TMEM87B: variants seen among roughly 807,000 people sequenced by gnomAD.
TMEM87B encodes the protein transmembrane protein 87B.
In TMEM87B, 83 loss-of-function variants were observed where a neutral mutation model predicts 80.3. That is an observed-to-expected ratio of 1.03 (90% CI 0.87 to 1.24). TMEM87B has a LOEUF of 1.24. TMEM87B is among the 50% of genes most tolerant of loss of function. The probability of loss-of-function intolerance (pLI) is 0.00; values close to 1 mark genes in which losing one functional copy is unlikely to be tolerated. For missense variants in TMEM87B, 625 were observed against 674.4 expected (o/e 0.93, Z 0.81); for synonymous variants, 219 against 230.5 (o/e 0.95, Z 0.45).
chr2:112,097,712 C>CAAA (rs68175814), intron 13 of TMEM87B, among the ~76,000 whole-genome samples: 24 of 57,230 alleles, frequency 4.2e-4, no homozygotes, highest in South Asian at 8.7e-4. Context: ...GACTCCATCT[C>CAAA]AAAAAAAAAA....
chr2:112,072,099 T>A (rs1463484676), intron 4 of TMEM87B, among the ~76,000 whole-genome samples: 1 of 152,250 alleles, frequency 6.6e-6, no homozygotes, highest in Non-Finnish European at 1.5e-5. Flanking sequence ...GATTTGCATG[T>A]GTTGAGCCTA....
chr2:112,055,335 T>G lies in TMEM87B; in HGVS notation c.-257T>G. ...CTCGCCGCCAACTCCACATCCTGGC[T>G]CCTATCTCTGCCTTCCAGGCATCTC... On this transcript the variant is annotated 5_prime_UTR_variant, in exon 1 of 19. Coordinates refer to ENST00000283206, the MANE Select transcript of TMEM87B (RefSeq NM_032824.3). 1 of 498,318 alleles carries G rather than the reference T, an allele frequency of 2.0e-6. No homozygotes were observed. The highest frequency in any genetic ancestry group is 3.5e-6 in the Non-Finnish European group (1 of 285,444). 30.9% of individuals were successfully genotyped at this position (498,318 alleles called of 1,614,324 possible). A position where few individuals can be genotyped will look rare whatever the true frequency, so the allele number is the denominator to read the frequency against.
chr2:112,073,977 C>T (rs999563288), intron 4 of TMEM87B, among the ~76,000 whole-genome samples: 3 of 152,058 alleles, frequency 2.0e-5, no homozygotes, highest in Non-Finnish European at 4.4e-5. Flanking sequence ...TATTTTGAGC[C>T]TGTGGGTGTC....
chr2:112,069,000 G>A (rs891343363), intron 4 of TMEM87B, among the ~76,000 whole-genome samples: 27 of 151,370 alleles, frequency 1.8e-4, no homozygotes, highest in Admixed American at 3.9e-4. Flanking sequence ...AGACCATCCT[G>A]GCTAACAAGG....
chr2:112,116,441 C>T lies in TMEM87B; in HGVS notation c.*298C>T, dbSNP rs775268775. ...GGCAGGCCTGTGGGTTTGGGTTCTC[C>T]CTCTTTTCTCTGGAACATATGACAA... On this transcript the variant is annotated 3_prime_UTR_variant, in exon 19 of 19. Coordinates refer to ENST00000283206, the MANE Select transcript of TMEM87B (RefSeq NM_032824.3). The T allele has an allele frequency of 4.1e-6, 1 of 244,754 alleles. No individual in the cohort carries two copies. The highest frequency in any genetic ancestry group is 7.7e-6 in the Non-Finnish European group (1 of 129,284). 15.2% of individuals were successfully genotyped at this position (244,754 alleles called of 1,614,324 possible).
chr2:112,110,358 T>C (rs544485173), intron 17 of TMEM87B, among the ~76,000 whole-genome samples: 6 of 152,346 alleles, frequency 3.9e-5, no homozygotes, highest in Admixed American at 2.0e-4. Flanking sequence ...TTTGAATTTC[T>C]TCATGCTTTG....
rs116724101 is a variant in TMEM87B, at chr2:112,065,715, C to T, written c.319-1221C>T. On this transcript the variant is annotated intron_variant, in intron 3 of 18. Transcript: ENST00000283206. ...CTTTTAGAGCAGGCGCCCCCGCTCC[C>T]CCTGCACACACACTCCACACCCCAT... 1.8e-3 allele frequency among the ~76,000 whole-genome samples: 272 copies of T among 151,926 alleles called. 1 individual carries two copies. Among genetic ancestry groups the T allele is most frequent in the African/African-American group, 5.9e-3 (246 of 41,462 alleles).
chr2:112,107,596 TC>T (rs1679806630), intron 16 of TMEM87B, among the ~76,000 whole-genome samples, 191 bp from the exon 17 acceptor site: 1 of 152,176 alleles, frequency 6.6e-6, no homozygotes, highest in Admixed American at 6.5e-5. Flanking sequence ...AAATCTGAAA[TC>T]TAATTTTTGC....
At chr2:112,080,250 TA>T (rs1678951663) in intron 6 of TMEM87B, among the ~76,000 whole-genome samples, 1 of 148,552 alleles carries the variant, frequency 6.7e-6, no homozygotes, top group Non-Finnish European at 1.5e-5. Flanking sequence ...CTTTTTTTTT[TA>T]ATTTTTTTTA....
At chr2:112,111,962 A>G (rs1218245638) in intron 17 of TMEM87B, among the ~76,000 whole-genome samples, 3 of 152,226 alleles carry the variant, frequency 2.0e-5, no homozygotes, top group Non-Finnish European at 2.9e-5. Context: ...CCAAGCGTGT[A>G]GCAGACTGCC....
chr2:112,097,173 T>TA (rs2104494267), intron 12 of TMEM87B, 21 bp downstream of exon 12: 1 of 1,593,400 alleles, frequency 6.3e-7, no homozygotes, highest in Non-Finnish European at 8.5e-7. Context: ...TAATTTTTCT[T>TA]ACAGTAAATT....
intron 4 of TMEM87B, among the ~76,000 whole-genome samples, chr2:112,069,783 C>T (rs1458130547): frequency 1.3e-5 from 2 of 152,178 alleles, no homozygotes; most frequent in African/African-American, 4.8e-5. Context: ...ATTTGTACTC[C>T]CACCAGCAGT....
intron 1 of TMEM87B, among the ~76,000 whole-genome samples, chr2:112,056,670 T>G (rs1678077787): frequency 6.6e-6 from 1 of 152,164 alleles, no homozygotes; most frequent in South Asian, 2.1e-4. Context: ...TATTTTGATT[T>G]CCTTAACCAG....
intron 5 of TMEM87B, among the ~76,000 whole-genome samples, chr2:112,076,696 G>A (rs1424116142): frequency 2.0e-5 from 3 of 152,046 alleles, no homozygotes. Flanking sequence ...TAATATTAGA[G>A]GGAACCTGTA....
At chr2:112,098,488 T>A in intron 13 of TMEM87B, 107 bp from the exon 14 acceptor site, 8 of 960,904 alleles carry the variant, frequency 8.3e-6, no homozygotes, top group Non-Finnish European at 1.3e-5. Context: ...GAAGACTTAC[T>A]GGTTGGAAAG....
At chr2:112,059,856 T>C in intron 1 of TMEM87B, 121 bp from the exon 2 acceptor site, 1 of 1,290,848 alleles carries the variant, frequency 7.7e-7, no homozygotes, top group Admixed American at 3.0e-5. Context: ...CAGATTTACG[T>C]TAAAAAAATA....
At chr2:112,115,648 C>G (rs1680002002) in intron 18 of TMEM87B, among the ~76,000 whole-genome samples, 1 of 152,126 alleles carries the variant, frequency 6.6e-6, no homozygotes, top group Non-Finnish European at 1.5e-5. Context: ...TGAGCTAGGC[C>G]TAAGAAATCC....
chr2:112,100,994 T>C (rs1679615149), intron 15 of TMEM87B, among the ~76,000 whole-genome samples: 1 of 152,192 alleles, frequency 6.6e-6, no homozygotes, highest in South Asian at 2.1e-4. Context: ...TTCATCTTGA[T>C]GATTGCTAAG....
intron 18 of TMEM87B, among the ~76,000 whole-genome samples, chr2:112,115,795 T>G (rs1433909885): frequency 6.6e-6 from 1 of 152,126 alleles, no homozygotes; most frequent in Non-Finnish European, 1.5e-5. Flanking sequence ...TATATGGTTA[T>G]TTTTTAATTT....
Sources: gnomAD v4.1 joint callset for allele counts (sites outside exome capture counted in the v4.1 genomes callset) on GRCh38, gnomAD v4.1.1 for gene constraint, MANE v1.5 for transcripts, NCBI Gene and HGNC (gene_info 2026-07-23, HGNC 2026-07-21) for gene names.